Variants in YWHAG observed in about 807,000 individuals in gnomAD.
YWHAG encodes 14-3-3 protein gamma.
A neutral mutation model predicts 23.3 loss-of-function variants in YWHAG; 1 was observed. The ratio of observed to expected loss-of-function variants is 0.04; its 90% CI spans 0.02 to 0.20. The LOEUF (loss-of-function observed/expected upper bound fraction) is 0.20, where lower values mean the gene tolerates loss of function less well. Ranked by LOEUF, YWHAG falls within the 10% of genes least tolerant of loss-of-function variation. The probability of loss-of-function intolerance (pLI) is 1.00; values close to 1 mark genes in which losing one functional copy is unlikely to be tolerated. For missense variants in YWHAG, 151 were observed against 338.6 expected (o/e 0.45, Z 4.35); for synonymous variants, 160 against 144.0 (o/e 1.11, Z -0.80).
chr7:76,355,079 C>G (rs1259872079), intron 1 of YWHAG, among the ~76,000 whole-genome samples: 1 of 152,164 alleles, frequency 6.6e-6, no homozygotes, highest in Non-Finnish European at 1.5e-5. Flanking sequence ...CAGCTGTAGT[C>G]CAGACCGGCA....
intron 1 of YWHAG, among the ~76,000 whole-genome samples, chr7:76,355,450 G>A (rs1186509630): frequency 1.3e-5 from 2 of 152,162 alleles, no homozygotes; most frequent in Non-Finnish European, 2.9e-5. Context: ...ATCTGCTTCA[G>A]TTACTGGGAA....
chr7:76,338,496 C>T (rs1803646958), intron 1 of YWHAG, among the ~76,000 whole-genome samples: 1 of 152,104 alleles, frequency 6.6e-6, no homozygotes, highest in Non-Finnish European at 1.5e-5. Flanking sequence ...GACTTTTCCC[C>T]AGAGTCACCT....
chr7:76,355,312 G>A (rs748438180), intron 1 of YWHAG, among the ~76,000 whole-genome samples: 5 of 152,202 alleles, frequency 3.3e-5, no homozygotes, highest in Non-Finnish European at 7.3e-5. Flanking sequence ...TACAAGAGAT[G>A]AAATCCTACT....
chr7:76,333,442 G>C (rs970818839), intron 1 of YWHAG, among the ~76,000 whole-genome samples: 2 of 152,132 alleles, frequency 1.3e-5, no homozygotes, highest in Non-Finnish European at 1.5e-5. Flanking sequence ...GAAACATGAG[G>C]AACTACTTTT....
intron 1 of YWHAG, among the ~76,000 whole-genome samples, chr7:76,336,770 T>TTTTTC (rs1463964670): frequency 6.6e-6 from 1 of 151,534 alleles, no homozygotes; most frequent in Non-Finnish European, 1.5e-5. Context: ...TTTTTTTTTT[T>TTTTTC]TTTCAACCTA....
chr7:76,347,078 C>T (rs1050093763), intron 1 of YWHAG, among the ~76,000 whole-genome samples: 1 of 152,172 alleles, frequency 6.6e-6, no homozygotes, highest in Non-Finnish European at 1.5e-5. Context: ...GCAGGCATCA[C>T]TTCCTCTAGG....
In YWHAG at chr7:76,329,345, C is replaced by A. The variant is rs1441064176; in HGVS notation, c.*232G>T. 4 of 572,118 alleles carry A rather than the reference C, an allele frequency of 7.0e-6. No individual in the cohort carries two copies. Among genetic ancestry groups the A allele is most frequent in the Non-Finnish European group, 1.2e-5 (4 of 324,412 alleles). 35.4% of individuals were successfully genotyped at this position (572,118 alleles called of 1,614,324 possible). Reference sequence around the variant, plus strand: ...CACTTGCATGAATCTACAGAACAGTCCAGACGCCAGTGTGAGGCTGCTATT... The same window carrying A: ...CACTTGCATGAATCTACAGAACAGTACAGACGCCAGTGTGAGGCTGCTATT... On this transcript the variant is annotated 3_prime_UTR_variant, in exon 2 of 2. Coordinates refer to ENST00000307630, the MANE Select transcript of YWHAG (RefSeq NM_012479.4). This position sits in a 1 kb window ranked among gnomAD's most constrained non-coding sequence, Gnocchi z 6.1.
rs71085403 is a variant in YWHAG, at chr7:76,327,668, G to GCCCCCCCCCCCCCCCCCCCCCCCCCCCC, written c.*1908_*1909insGGGGGGGGGGGGGGGGGGGGGGGGGGGG. 14 of 47,110 alleles carry GCCCCCCCCCCCCCCCCCCCCCCCCCCCC rather than the reference G, an allele frequency of 3.0e-4. No homozygotes were observed. Among genetic ancestry groups the GCCCCCCCCCCCCCCCCCCCCCCCCCCCC allele is most frequent in the East Asian group, 5.9e-4 (1 of 1,704 alleles). 2.9% of individuals were successfully genotyped at this position (47,110 alleles called of 1,614,324 possible). On this transcript the variant is annotated 3_prime_UTR_variant, in exon 2 of 2. Transcript: ENST00000307630. ...AATTAGGGAAAGCCCCACCTACCCT[G>GCCCCCCCCCCCCCCCCCCCCCCCCCCCC]CCCCCCCCCCCCTCCCCCCCCAAAT... is the stretch of plus-strand genomic sequence containing the variant.
intron 1 of YWHAG, among the ~76,000 whole-genome samples, chr7:76,353,523 T>A (rs910453093): frequency 3.3e-5 from 5 of 152,258 alleles, no homozygotes; most frequent in Admixed American, 3.3e-4. Flanking sequence ...GGGAATTTTT[T>A]AAATCAGTTT....
intron 1 of YWHAG, among the ~76,000 whole-genome samples, chr7:76,355,309 G>C (rs948852561): frequency 6.6e-6 from 1 of 152,200 alleles, no homozygotes; most frequent in Admixed American, 6.5e-5. Context: ...GAGTACAAGA[G>C]ATGAAATCCT....
intron 1 of YWHAG, among the ~76,000 whole-genome samples, chr7:76,352,551 T>C (rs1803890883): frequency 6.6e-6 from 1 of 152,198 alleles, no homozygotes. Flanking sequence ...TTCCAAAGGT[T>C]AAGAAGCCCA....
chr7:76,358,194 A>G (rs1197202299), intron 1 of YWHAG, among the ~76,000 whole-genome samples: 1 of 152,154 alleles, frequency 6.6e-6, no homozygotes, highest in African/African-American at 2.4e-5. Context: ...GTTTCTGGGA[A>G]GATTCTCAGG....
Position 76,327,667 on chromosome 7 carries a change from TG to T in YWHAG, c.*1909del, listed in dbSNP as rs1803465651. On this transcript the variant is annotated 3_prime_UTR_variant, in exon 2 of 2. Coordinates refer to ENST00000307630, the MANE Select transcript of YWHAG (RefSeq NM_012479.4). Reference sequence around the variant, plus strand: ...AAATTAGGGAAAGCCCCACCTACCCTGCCCCCCCCCCCCTCCCCCCCCAAAT... The same window carrying T: ...AAATTAGGGAAAGCCCCACCTACCCTCCCCCCCCCCCCTCCCCCCCCAAAT... The T allele has an allele frequency of 8.2e-4, 6 of 7,310 alleles. No homozygotes were observed. The highest frequency in any genetic ancestry group is 1.8e-3 in the African/African-American group (2 of 1,142). The allele number at this position is 7,310 out of a possible 1,614,324, so 0.5% of individuals were successfully genotyped here. A position where few individuals can be genotyped will look rare whatever the true frequency, so the allele number is the denominator to read the frequency against.
intron 1 of YWHAG, among the ~76,000 whole-genome samples, chr7:76,343,436 C>G (rs1327310447): frequency 6.6e-6 from 1 of 152,180 alleles, no homozygotes; most frequent in Non-Finnish European, 1.5e-5. Flanking sequence ...ATACTCCACC[C>G]CTAGAATCTG....
At chr7:76,352,498 C>G (rs960168916) in intron 1 of YWHAG, among the ~76,000 whole-genome samples, 5 of 152,150 alleles carry the variant, frequency 3.3e-5, no homozygotes, top group Admixed American at 2.0e-4. Context: ...TACCTGGGTC[C>G]CACTCACCAA....
In YWHAG at chr7:76,329,976, G is replaced by A. The variant is rs780129232; in HGVS notation, c.345C>T (p.Thr115=). ...GGTAGAACACTTTGCTCTCGTACTG[G>A]GTCTCGCTGCAATTCTTGATCAGGT... is the stretch of plus-strand genomic sequence containing the variant. ...DNYLIKNCSE[T]QYESKVFYLK... The change falls in exon 2 of 2, where the codon ACC becomes ACT. Residue 115 remains threonine, a synonymous_variant. Coordinates refer to ENST00000307630, the MANE Select transcript of YWHAG (RefSeq NM_012479.4). This position sits in a 1 kb window ranked among gnomAD's most constrained non-coding sequence, Gnocchi z 6.1. 20 of 1,613,954 alleles carry A rather than the reference G, an allele frequency of 1.2e-5. No individual in the cohort carries two copies. The highest frequency in any genetic ancestry group is 1.7e-5 in the Non-Finnish European group (20 of 1,180,016).
At chr7:76,358,631 G>T in intron 1 of YWHAG, 91 bp downstream of exon 1, 1 of 1,309,744 alleles carries the variant, frequency 7.6e-7, no homozygotes, top group Non-Finnish European at 1.0e-6. Flanking sequence ...ACCCGCCATC[G>T]CGACAGGGCG....
intron 1 of YWHAG, among the ~76,000 whole-genome samples, chr7:76,339,615 T>C (rs953349605): frequency 1.3e-5 from 2 of 152,194 alleles, no homozygotes; most frequent in Non-Finnish European, 2.9e-5. Flanking sequence ...AGGTTTGAAC[T>C]GCACAAATCC....
At chr7:76,335,072 T>A (rs576879126) in intron 1 of YWHAG, among the ~76,000 whole-genome samples, 4 of 152,322 alleles carry the variant, frequency 2.6e-5, no homozygotes, top group South Asian at 2.1e-4. Context: ...TTATTTATTT[T>A]TTTTGAGATG....
Sources: gnomAD v4.1 joint callset for allele counts (sites outside exome capture counted in the v4.1 genomes callset) on GRCh38, gnomAD v4.1.1 for gene constraint, Gnocchi (gnomAD v3.1) non-coding constraint, MANE v1.5 for transcripts, NCBI Gene and HGNC (gene_info 2026-07-23, HGNC 2026-07-21) for gene names.